Variants in FBXO42 observed in about 807,000 individuals in gnomAD.
The protein encoded by FBXO42 is F-box only protein 42.
In FBXO42, 12 loss-of-function variants were observed where a neutral mutation model predicts 71.7. The ratio of observed to expected loss-of-function variants is 0.17; its 90% CI spans 0.11 to 0.27. FBXO42 has a LOEUF of 0.27. Among genes scored for constraint, FBXO42 ranks in the 10% least tolerant of loss-of-function variants. FBXO42 has a pLI of 1.00. For missense variants in FBXO42, 707 were observed against 911.9 expected, an observed-to-expected ratio of 0.78 and a Z score of 2.89; for synonymous variants, 325 against 327.5, an observed-to-expected ratio of 0.99 and a Z score of 0.08.
At chr1:16,315,018 C>G (rs67963098) in intron 2 of FBXO42, 151 bp downstream of exon 2, 227,437 of 734,654 alleles carry the variant, frequency 0.31, 38,757 homozygotes, top group Non-Finnish European at 0.36. Flanking sequence ...TTAAACTAAC[C>G]AGGGTAAGAA....
At chr1:16,345,675 C>T (rs1026169351) in intron 1 of FBXO42, among the ~76,000 whole-genome samples, 2 of 151,554 alleles carry the variant, frequency 1.3e-5, no homozygotes, top group East Asian at 1.9e-4. Context: ...AGGTGAAACC[C>T]TGTCTCTACT....
intron 4 of FBXO42, among the ~76,000 whole-genome samples, chr1:16,264,671 A>G (rs1444637588): frequency 6.6e-6 from 1 of 152,168 alleles, no homozygotes; most frequent in African/African-American, 2.4e-5. Context: ...AAACACATCA[A>G]AGGCCTCCTA....
chr1:16,254,325 A>G (rs1365629086), intron 6 of FBXO42, among the ~76,000 whole-genome samples: 1 of 152,276 alleles, frequency 6.6e-6, no homozygotes, highest in Admixed American at 6.5e-5. Flanking sequence ...CAAAAACCAC[A>G]AAGAAGAGAA....
At chr1:16,286,841 A>C (rs561023088) in intron 4 of FBXO42, among the ~76,000 whole-genome samples, 1 of 152,332 alleles carries the variant, frequency 6.6e-6, no homozygotes, top group South Asian at 2.1e-4. Context: ...CTGAAGAGTC[A>C]TCTTGATTGC....
intron 3 of FBXO42, among the ~76,000 whole-genome samples, chr1:16,300,673 C>T (rs1192301334): frequency 6.6e-6 from 1 of 152,036 alleles, no homozygotes. Flanking sequence ...GAAGCAAGGG[C>T]GGTTATCCAG....
intron 1 of FBXO42, among the ~76,000 whole-genome samples, chr1:16,319,681 G>C (rs1324427308): frequency 2.0e-5 from 3 of 152,152 alleles, no homozygotes; most frequent in Admixed American, 2.0e-4. Flanking sequence ...GGGAAGCTTA[G>C]GCAGGCGGAT....
At chr1:16,293,855 T>C (rs2082103606) in intron 4 of FBXO42, 1 of 152,242 alleles carries the variant, frequency 6.6e-6, no homozygotes, top group Non-Finnish European at 1.5e-5. Context: ...CAATAACTTA[T>C]TTATAGTTAC....
At chr1:16,316,284 G>A (rs2082365576) in intron 1 of FBXO42, among the ~76,000 whole-genome samples, 1 of 151,662 alleles carries the variant, frequency 6.6e-6, no homozygotes, top group Non-Finnish European at 1.5e-5. Context: ...TGCCAGCGGT[G>A]CCTGCAACTG....
intron 1 of FBXO42, among the ~76,000 whole-genome samples, chr1:16,341,490 C>T (rs984005139): frequency 2.6e-5 from 4 of 151,696 alleles, no homozygotes; most frequent in Non-Finnish European, 5.9e-5. Flanking sequence ...ATCCCAGCTA[C>T]TCAGGAGGCT....
At chr1:16,320,333 C>G (rs1320200379) in intron 1 of FBXO42, among the ~76,000 whole-genome samples, 1 of 143,860 alleles carries the variant, frequency 7.0e-6, no homozygotes, top group Non-Finnish European at 1.5e-5. Context: ...CGCACTCTAG[C>G]CTGGGCAACA....
Position 16,251,907 on chromosome 1 carries a change from A to T in FBXO42, c.1039-122T>A. The T allele has an allele frequency of 7.8e-7, 1 of 1,288,608 alleles. No individual in the cohort carries two copies. Among genetic ancestry groups the T allele is most frequent in the Non-Finnish European group, 1.1e-6 (1 of 949,052 alleles). The allele number at this position is 1,288,608 out of a possible 1,614,324, so 79.8% of individuals were successfully genotyped here. ...CATTTTGTAGGTACCTGAGATATGA[A>T]GATGAAAATGATGTAGTCTGCCCTC... On this transcript the variant is annotated intron_variant, in intron 9 of 9. Coordinates refer to ENST00000375592, the MANE Select transcript of FBXO42 (RefSeq NM_018994.3). This position sits in a 1 kb window ranked among gnomAD's most constrained non-coding sequence, Gnocchi z 4.5.
At chr1:16,332,600 G>C (rs1397020661) in intron 1 of FBXO42, among the ~76,000 whole-genome samples, 1 of 151,168 alleles carries the variant, frequency 6.6e-6, no homozygotes, top group Non-Finnish European at 1.5e-5. Context: ...GAGTGCAGTG[G>C]CACAACCTCA....
chr1:16,325,838 G>C (rs12129821), intron 1 of FBXO42, among the ~76,000 whole-genome samples: 50,816 of 151,768 alleles, frequency 0.33, 8,971 homozygotes, highest in African/African-American at 0.4. Context: ...GCTGGCCAGG[G>C]TGGTCTCAAA....
At chr1:16,274,358 C>T (rs938012518) in intron 4 of FBXO42, among the ~76,000 whole-genome samples, 2 of 151,754 alleles carry the variant, frequency 1.3e-5, no homozygotes, top group Non-Finnish European at 2.9e-5. Flanking sequence ...CAGAACAAAG[C>T]CACAGTGTTA....
chr1:16,276,379 CAAAA>C (rs34711223), intron 4 of FBXO42, among the ~76,000 whole-genome samples: 6 of 97,392 alleles, frequency 6.2e-5, no homozygotes, highest in Non-Finnish European at 1.0e-4. Flanking sequence ...CACTCTGTCT[CAAAA>C]AAAAAAAAAA....
chr1:16,288,335 CAGAAGAATCACTTGAACCCGGGAGG>C (rs2082042834), intron 4 of FBXO42, among the ~76,000 whole-genome samples: 2 of 151,792 alleles, frequency 1.3e-5, no homozygotes, highest in African/African-American at 2.4e-5. Context: ...GAGGCTGAGG[CAGAAGAATCACTTGAACCCGGGAGG>C]TGGAGGTTGC....
At chr1:16,351,021 T>C (rs1192682224) in intron 1 of FBXO42, among the ~76,000 whole-genome samples, 2 of 152,178 alleles carry the variant, frequency 1.3e-5, no homozygotes, top group African/African-American at 4.8e-5. Flanking sequence ...GCATCACTAA[T>C]GGCCATAAGA....
intron 4 of FBXO42, among the ~76,000 whole-genome samples, chr1:16,282,549 A>G (rs2081975676): frequency 6.6e-6 from 1 of 151,912 alleles, no homozygotes; most frequent in Non-Finnish European, 1.5e-5. Context: ...AAAAAAAAAA[A>G]AATGCTGATC....
At chr1:16,279,120 A>G (rs1020441301) in intron 4 of FBXO42, among the ~76,000 whole-genome samples, 2 of 152,034 alleles carry the variant, frequency 1.3e-5, no homozygotes, top group Non-Finnish European at 2.9e-5. Context: ...CGTGCTCCCT[A>G]TCCAATTTTT....
Sources: gnomAD v4.1 joint callset for allele counts (sites outside exome capture counted in the v4.1 genomes callset) on GRCh38, gnomAD v4.1.1 for gene constraint, Gnocchi (gnomAD v3.1) non-coding constraint, MANE v1.5 for transcripts, NCBI Gene and HGNC (gene_info 2026-07-23, HGNC 2026-07-21) for gene names.